Variants in PTPRO observed in about 807,000 individuals in gnomAD.
PTPRO encodes the protein receptor-type tyrosine-protein phosphatase O.
A neutral mutation model predicts 145.2 loss-of-function variants in PTPRO; 62 were observed. The observed-to-expected ratio is 0.43, with a 90% CI of 0.35 to 0.53. PTPRO has a LOEUF of 0.53. PTPRO is among the 20% of genes least tolerant of loss of function. The probability of loss-of-function intolerance (pLI) is 0.01; values close to 1 mark genes in which losing one functional copy is unlikely to be tolerated. For synonymous variants in PTPRO, 565 were observed against 514.7 expected (o/e 1.10, Z -1.32); for missense variants, 1,345 against 1,482.7 (o/e 0.91, Z 1.53).
chr12:15,497,416 A>G lies in PTPRO; in HGVS notation c.508+13A>G, dbSNP rs1942129353. The G allele has an allele frequency of 3.7e-6, 6 of 1,611,670 alleles. No homozygotes were observed. In the East Asian group the frequency reaches 1.3e-4, roughly 36 times the overall value. ...ATGCTATATAAAGGTAAGCAGCAAA[A>G]GGAAAGCTGAATCAATGATGACCCT... is the stretch of plus-strand genomic sequence containing the variant. On this transcript the variant is annotated intron_variant, in intron 3 of 26. Transcript: ENST00000281171.
chr12:15,556,752 T>G (rs1444466187), intron 15 of PTPRO, among the ~76,000 whole-genome samples: 1 of 152,152 alleles, frequency 6.6e-6, no homozygotes, highest in African/African-American at 2.4e-5. Flanking sequence ...TACAAAGAAT[T>G]TTTGCTAAAG....
intron 1 of PTPRO, among the ~76,000 whole-genome samples, chr12:15,419,675 T>C (rs531996493): frequency 6.6e-6 from 1 of 151,486 alleles, no homozygotes; most frequent in Non-Finnish European, 1.5e-5. Context: ...GCATAACATT[T>C]CAGTAGGCAC....
intron 8 of PTPRO, among the ~76,000 whole-genome samples, chr12:15,516,399 GAA>G (rs906450248): frequency 2.7e-5 from 4 of 146,386 alleles, no homozygotes; most frequent in African/African-American, 1.0e-4. Context: ...GAGAGAGAGA[GAA>G]AGAAAGAAAG....
chr12:15,586,863 A>C (rs764369952), intron 23 of PTPRO, 34 bp from the exon 24 acceptor site: 1 of 1,613,770 alleles, frequency 6.2e-7, no homozygotes, highest in Non-Finnish European at 8.5e-7. Flanking sequence ...TGAACTGAAA[A>C]ATTAATGCTT....
chr12:15,358,384 A>C lies in PTPRO; in HGVS notation c.75+35583A>C, dbSNP rs536509814. Among the ~76,000 whole-genome samples, 5 of 152,148 alleles carry C rather than the reference A, an allele frequency of 3.3e-5. No homozygotes were observed. In the South Asian group the frequency reaches 1.0e-3, roughly 32 times the overall value. On this transcript the variant is annotated intron_variant, in intron 1 of 26. Coordinates refer to ENST00000281171, the MANE Select transcript of PTPRO (RefSeq NM_030667.3). Reference sequence around the variant, plus strand: ...TGTACCCTAAAACTTAAAGTATGATAATAATAATAAAAAAGATGATCTATG... The same window carrying C: ...TGTACCCTAAAACTTAAAGTATGATCATAATAATAAAAAAGATGATCTATG...
intron 1 of PTPRO, among the ~76,000 whole-genome samples, chr12:15,403,353 C>A (rs188931638): frequency 2.0e-5 from 3 of 152,086 alleles, no homozygotes; most frequent in African/African-American, 7.2e-5. Context: ...GAGGCCGAGG[C>A]GGATGGATCA....
chr12:15,437,277 C>A (rs191860296), intron 1 of PTPRO, among the ~76,000 whole-genome samples: 2 of 151,746 alleles, frequency 1.3e-5, no homozygotes, highest in East Asian at 3.9e-4. Context: ...GCATTCAGAG[C>A]GCCTGCTTGC....
chr12:15,520,069 T>A (rs1024155093), intron 9 of PTPRO, 132 bp from the exon 10 acceptor site: 4 of 616,990 alleles, frequency 6.5e-6, no homozygotes. Flanking sequence ...TTATAGTAAA[T>A]TTAGGAAACA....
At chr12:15,422,179 A>T (rs982858267) in intron 1 of PTPRO, among the ~76,000 whole-genome samples, 17 of 152,294 alleles carry the variant, frequency 1.1e-4, no homozygotes, top group Non-Finnish European at 2.1e-4. Flanking sequence ...CAATTTTTTG[A>T]CTGTAATTCA....
chr12:15,499,613 C>A lies in PTPRO; in HGVS notation c.661+19C>A. ...AGAACTGGTAAGTCTCCTGAAGAAT[C>A]AAATACAGTGAAAAAATAATTCAGT... On this transcript the variant is annotated intron_variant, in intron 4 of 26. Transcript: ENST00000281171. The A allele has an allele frequency of 6.2e-7, 1 of 1,605,100 alleles. No individual in the cohort carries two copies. The highest frequency in any genetic ancestry group is 1.1e-5 in the South Asian group (1 of 90,830).
At chr12:15,508,455 C>A (rs1268327924) in intron 6 of PTPRO, 116 bp from the exon 7 acceptor site, 2 of 1,135,130 alleles carry the variant, frequency 1.8e-6, no homozygotes, top group African/African-American at 1.5e-5. Context: ...GACCGCCAAT[C>A]TTTCTTTGAA....
intron 6 of PTPRO, among the ~76,000 whole-genome samples, chr12:15,505,580 G>T (rs1591661828): frequency 6.6e-6 from 1 of 152,082 alleles, no homozygotes; most frequent in Non-Finnish European, 1.5e-5. Flanking sequence ...GTTGCTAAAA[G>T]AATGACTTTT....
chr12:15,560,067 T>A (rs1943731568), intron 16 of PTPRO, 126 bp from the exon 17 acceptor site: 4 of 735,098 alleles, frequency 5.4e-6, no homozygotes, highest in East Asian at 2.6e-5. Flanking sequence ...AATATTTAAT[T>A]GTAATTAAGG....
At position 15,407,005 on chromosome 12, in the gene PTPRO, T is replaced by C. The variant is rs143735294; in HGVS notation, c.76-76969T>C. Among the ~76,000 whole-genome samples the C allele has an allele frequency of 1.6e-4, 24 of 152,280 alleles. No homozygotes were observed. In the East Asian group the frequency reaches 4.6e-3, roughly 29 times the overall value. Reference sequence around the variant, plus strand: ...AAAACAAAGACATGGAAGTAGTCCATGGTTTGGTACATAAAGTGTGTTTCT... The same window carrying C: ...AAAACAAAGACATGGAAGTAGTCCACGGTTTGGTACATAAAGTGTGTTTCT... On this transcript the variant is annotated intron_variant, in intron 1 of 26. Coordinates refer to ENST00000281171, the MANE Select transcript of PTPRO (RefSeq NM_030667.3).
chr12:15,458,521 T>C (rs1296713189), intron 1 of PTPRO, among the ~76,000 whole-genome samples: 1 of 151,850 alleles, frequency 6.6e-6, no homozygotes, highest in Admixed American at 6.6e-5. Flanking sequence ...TGAGCTTTTA[T>C]CACTCTTTTT....
At chr12:15,595,095 A>C in intron 26 of PTPRO, 38 bp downstream of exon 26, 1 of 1,314,644 alleles carries the variant, frequency 7.6e-7, no homozygotes, top group Non-Finnish European at 1.1e-6. Flanking sequence ...GCTCAGTCTT[A>C]GAACTATTAG....
chr12:15,442,785 A>G lies in PTPRO; in HGVS notation c.76-41189A>G, dbSNP rs900287805. ...AAAATACCTGGAAGTACATCTAAAC[A>G]AAAGAAGAACTACAAAACACTGCAA... On this transcript the variant is annotated intron_variant, in intron 1 of 26. Coordinates refer to ENST00000281171, the MANE Select transcript of PTPRO (RefSeq NM_030667.3). 2.0e-5 allele frequency among the ~76,000 whole-genome samples: 3 copies of G among 151,864 alleles called. No individual in the cohort carries two copies. In the East Asian group the frequency reaches 5.8e-4, roughly 29 times the overall value.
intron 1 of PTPRO, among the ~76,000 whole-genome samples, chr12:15,367,864 C>G (rs1029114082): frequency 1.3e-5 from 2 of 152,156 alleles, no homozygotes; most frequent in African/African-American, 4.8e-5. Context: ...ATGCTCGTAA[C>G]TTTCATCCTG....
intron 24 of PTPRO, among the ~76,000 whole-genome samples, chr12:15,588,794 T>A (rs1019624997): frequency 6.6e-6 from 1 of 152,178 alleles, no homozygotes; most frequent in African/African-American, 2.4e-5. Context: ...TTTATGTGTA[T>A]CAGCTCTCTG....
Sources: gnomAD v4.1 joint callset for allele counts (sites outside exome capture counted in the v4.1 genomes callset) on GRCh38, gnomAD v4.1.1 for gene constraint, MANE v1.5 for transcripts, NCBI Gene and HGNC (gene_info 2026-07-23, HGNC 2026-07-21) for gene names.